TRIM64B: variants seen among roughly 807,000 people sequenced by gnomAD.
The protein encoded by TRIM64B is tripartite motif-containing protein 64B.
For synonymous variants in TRIM64B, 17 were observed against 190.3 expected, an observed-to-expected ratio of 0.09 and a Z score of 7.50; for missense variants, 57 against 536.4, an observed-to-expected ratio of 0.11 and a Z score of 8.83.
chr11:89,876,219 G>T (rs1950161966), upstream of TRIM64B, among the ~76,000 whole-genome samples: 1 of 133,978 alleles, frequency 7.5e-6, no homozygotes, highest in South Asian at 2.6e-4. Context: ...TCCCTCAATA[G>T]CCATCGAAGA....
chr11:89,871,812 A>G (rs1286199547), intron 5 of TRIM64B, among the ~76,000 whole-genome samples: 31 of 44,434 alleles, frequency 7.0e-4, no homozygotes, highest in Admixed American at 1.2e-3. Flanking sequence ...TGTAAATAAT[A>G]AAGGTTACTT....
upstream of TRIM64B, among the ~76,000 whole-genome samples, chr11:89,876,808 C>T (rs1423949881): frequency 1.3e-5 from 2 of 149,272 alleles, no homozygotes; most frequent in African/African-American, 4.8e-5. Context: ...GTTGAATCCA[C>T]GGGTATGAAA....
upstream of TRIM64B, among the ~76,000 whole-genome samples, chr11:89,877,609 CTTT>C (rs1280189775): frequency 3.5e-5 from 5 of 141,484 alleles, no homozygotes; most frequent in East Asian, 2.1e-4. Context: ...TTTTCTTTTT[CTTT>C]TTTTTTTTTT....
chr11:89,875,795 A>C (rs2134711684), exon 1 of TRIM64B: 2 of 1,540,834 alleles, frequency 1.3e-6, no homozygotes, highest in East Asian at 5.0e-5. Context: ...CTGGCTAGGG[A>C]AGACAGCTTT....
At chr11:89,872,733 T>C (rs1324285532) in intron 4 of TRIM64B, among the ~76,000 whole-genome samples, 1 of 151,764 alleles carries the variant, frequency 6.6e-6, no homozygotes, top group Admixed American at 6.5e-5. Flanking sequence ...CTTTAATCTT[T>C]TGTGCAAAAC....
chr11:89,877,999 C>A (rs1950176027), upstream of TRIM64B, among the ~76,000 whole-genome samples: 1 of 148,274 alleles, frequency 6.7e-6, no homozygotes, highest in African/African-American at 2.4e-5. Flanking sequence ...AAGACCTTTG[C>A]AACAAGAATT....
chr11:89,877,963 T>C (rs1330527739), upstream of TRIM64B, among the ~76,000 whole-genome samples: 2 of 148,390 alleles, frequency 1.3e-5, no homozygotes, highest in African/African-American at 2.4e-5. Flanking sequence ...AGTCTGCAAA[T>C]TGCAAATTTT....
At chr11:89,876,588 G>A (rs2134713355), upstream of TRIM64B, among the ~76,000 whole-genome samples, 1 of 149,600 alleles carries the variant, frequency 6.7e-6, no homozygotes, top group Non-Finnish European at 1.5e-5. Context: ...AGGGCGTGGT[G>A]GTACGTGCCT....
exon 1 of TRIM64B, chr11:89,875,857 G>C (rs573407334): frequency 1.3e-6 from 2 of 1,550,276 alleles, no homozygotes; most frequent in African/African-American, 1.4e-5. Flanking sequence ...TTTTCTGCAC[G>C]AAGGGCAGCG....
At chr11:89,875,352 G>T (rs1289891516) in intron 1 of TRIM64B, among the ~76,000 whole-genome samples, 12 of 152,294 alleles carry the variant, frequency 7.9e-5, no homozygotes, top group South Asian at 2.1e-4. Context: ...CTTGGTGCTG[G>T]CCACCAGCTC....
chr11:89,874,634 T>TA (rs1950144838), intron 2 of TRIM64B, among the ~76,000 whole-genome samples: 1 of 58,084 alleles, frequency 1.7e-5, no homozygotes, highest in East Asian at 3.9e-4. Flanking sequence ...AGTTTTTTTT[T>TA]ACTTTTACCA....
chr11:89,872,459 G>T, intron 4 of TRIM64B, 147 bp from the exon 6 acceptor site: 2 of 1,409,678 alleles, frequency 1.4e-6, no homozygotes, highest in Non-Finnish European at 1.9e-6. Flanking sequence ...ACACTCTAGG[G>T]GCAATAAGGA....
At chr11:89,873,665 G>T (rs1158971404) in intron 3 of TRIM64B, among the ~76,000 whole-genome samples, 1 of 65,730 alleles carries the variant, frequency 1.5e-5, no homozygotes, top group African/African-American at 6.2e-5. Flanking sequence ...CCTTGCCCAG[G>T]CAAGGGGAAA....
chr11:89,877,574 C>T (rs1404293542), upstream of TRIM64B, among the ~76,000 whole-genome samples: 1 of 147,436 alleles, frequency 6.8e-6, no homozygotes, highest in South Asian at 2.1e-4. Context: ...TTGGTTAGAT[C>T]TATTGATCTA....
chr11:89,872,859 T>C (rs1250939102), intron 4 of TRIM64B, among the ~76,000 whole-genome samples: 1 of 151,654 alleles, frequency 6.6e-6, no homozygotes, highest in Non-Finnish European at 1.5e-5. Flanking sequence ...GGGTCATTGA[T>C]GCTTTTAGGA....
At chr11:89,877,698 C>A (rs2134715120), upstream of TRIM64B, among the ~76,000 whole-genome samples, 1 of 149,304 alleles carries the variant, frequency 6.7e-6, no homozygotes, top group South Asian at 2.1e-4. Context: ...CAGCTTACTG[C>A]AAGCTCCACC....
At chr11:89,871,310 T>C (rs1950105582) in intron 5 of TRIM64B, among the ~76,000 whole-genome samples, 196 bp from the exon 7 acceptor site, 1 of 152,208 alleles carries the variant, frequency 6.6e-6, no homozygotes, top group South Asian at 2.1e-4. Context: ...ATTCCTTAAG[T>C]AATAGAGAAA....
chr11:89,873,898 T>C (rs1466733083), intron 3 of TRIM64B, 151 bp downstream of exon 4: 1 of 602,264 alleles, frequency 1.7e-6, no homozygotes, highest in Non-Finnish European at 2.9e-6. Flanking sequence ...AAGTATGCAG[T>C]AATACGTGAA....
chr11:89,878,059 C>A (rs1308724962), upstream of TRIM64B, among the ~76,000 whole-genome samples: 1 of 146,984 alleles, frequency 6.8e-6, no homozygotes, highest in Non-Finnish European at 1.5e-5. Context: ...ACGTTATAAC[C>A]ACTACTACAT....
Sources: allele counts gnomAD v4.1 joint callset (sites outside exome capture counted in the v4.1 genomes callset), GRCh38; gene constraint gnomAD v4.1.1; transcripts MANE v1.5; gene names NCBI Gene and HGNC (gene_info 2026-07-23, HGNC 2026-07-21).